Variants in EPG5 observed in about 807,000 individuals in gnomAD.
EPG5 encodes the protein ectopic P granules protein 5 homolog.
Under a neutral mutation model 302.7 loss-of-function variants are expected in EPG5, and 159 were observed. The observed-to-expected ratio is 0.53, with a 90% CI of 0.46 to 0.60. The LOEUF (loss-of-function observed/expected upper bound fraction) is 0.60, where lower values mean the gene tolerates loss of function less well. Ranked by LOEUF, EPG5 falls within the 20% of genes least tolerant of loss-of-function variation. The pLI is 0.00. For missense variants in EPG5, 2,896 were observed against 3,092.4 expected (o/e 0.94, Z 1.51); for synonymous variants, 1,158 against 1,136.8 (o/e 1.02, Z -0.37).
chr18:45,911,293 T>G (rs2049893261), intron 22 of EPG5, among the ~76,000 whole-genome samples: 1 of 150,222 alleles, frequency 6.7e-6, no homozygotes, highest in Non-Finnish European at 1.5e-5. Flanking sequence ...TGGGTTGTTT[T>G]TTTTTTTTTT....
At chr18:45,916,264 A>G (rs890862799) in intron 18 of EPG5, 58 bp from the exon 19 acceptor site, 1 of 1,551,656 alleles carries the variant, frequency 6.4e-7, no homozygotes, top group East Asian at 2.3e-5. Flanking sequence ...CATTTTTTAA[A>G]TAGCAACAAA....
intron 11 of EPG5, among the ~76,000 whole-genome samples, chr18:45,933,070 T>A (rs1352806642): frequency 2.0e-5 from 3 of 152,108 alleles, no homozygotes; most frequent in Non-Finnish European, 4.4e-5. Context: ...CTGCTGACCA[T>A]CCCAGGCACT....
the EPG5 span, among the ~76,000 whole-genome samples, chr18:45,827,350 C>CA: frequency 6.6e-6 from 1 of 152,196 alleles, no homozygotes; most frequent in Middle Eastern, 3.2e-3. Flanking sequence ...TGGGCCCCCC[C>CA]ACTACCCCAC....
At chr18:45,818,084 T>C in the EPG5 span, among the ~76,000 whole-genome samples, 1 of 152,196 alleles carries the variant, frequency 6.6e-6, no homozygotes, top group Admixed American at 6.5e-5. Flanking sequence ...CCATTCAATA[T>C]TATCTTGAGA....
intron 34 of EPG5, among the ~76,000 whole-genome samples, chr18:45,876,636 T>C (rs1437754510): frequency 6.6e-6 from 1 of 152,090 alleles, no homozygotes; most frequent in Non-Finnish European, 1.5e-5. Flanking sequence ...TTTAGACCCT[T>C]GGACATCTTG....
At chr18:45,820,812 C>T in the EPG5 span, among the ~76,000 whole-genome samples, 1 of 152,154 alleles carries the variant, frequency 6.6e-6, no homozygotes, top group African/African-American at 2.4e-5. Flanking sequence ...GGTTATATAC[C>T]ACATGATGTC....
chr18:45,867,823 T>C (rs1270447460), intron 36 of EPG5, 75 bp from the exon 37 acceptor site: 2 of 1,334,212 alleles, frequency 1.5e-6, no homozygotes, highest in Non-Finnish European at 2.1e-6. Context: ...GTAAATTGTT[T>C]CATAATTATG....
intron 9 of EPG5, 98 bp downstream of exon 9, chr18:45,943,063 G>A (rs1025346438): frequency 9.2e-6 from 11 of 1,197,004 alleles, no homozygotes; most frequent in Non-Finnish European, 1.2e-5. Flanking sequence ...AATAAGACCT[G>A]AGGTTTACAA....
intron 42 of EPG5, among the ~76,000 whole-genome samples, chr18:45,856,965 C>G (rs190839323): frequency 6.6e-6 from 1 of 152,146 alleles, no homozygotes; most frequent in East Asian, 1.9e-4. Context: ...GTTGGCCAGG[C>G]TGGAGTGCAA....
the EPG5 span, among the ~76,000 whole-genome samples, chr18:45,803,465 C>A: frequency 2.6e-5 from 4 of 152,122 alleles, no homozygotes; most frequent in Non-Finnish European, 5.9e-5. Flanking sequence ...CTGTTTTTAC[C>A]ACTTTTGGCC....
At chr18:45,944,298 A>C (rs1236238703) in intron 7 of EPG5, among the ~76,000 whole-genome samples, 179 bp from the exon 8 acceptor site, 1 of 152,210 alleles carries the variant, frequency 6.6e-6, no homozygotes, top group African/African-American at 2.4e-5. Flanking sequence ...ACAGTTACAC[A>C]GTAAATCCCC....
chr18:45,828,389 A>T, the EPG5 span, among the ~76,000 whole-genome samples: 74,855 of 151,860 alleles, frequency 0.49, 18,589 homozygotes, highest in East Asian at 0.55. Flanking sequence ...ATAGCCTCCC[A>T]GGTCCTCCTC....
Position 45,916,737 on chromosome 18 carries a change from A to G in EPG5, c.3240-155T>C, listed in dbSNP as rs947851020. 69 of 698,804 alleles carry G rather than the reference A, an allele frequency of 9.9e-5. No individual in the cohort carries two copies. In the Admixed American group the frequency reaches 1.7e-3, roughly 17 times the overall value. 43.3% of individuals were successfully genotyped at this position (698,804 alleles called of 1,614,324 possible). On this transcript the variant is annotated intron_variant, in intron 17 of 43. Coordinates refer to ENST00000282041, the MANE Select transcript of EPG5 (RefSeq NM_020964.3). ...GGGATTCTAGAAGAATAAAGTTTTC[A>G]CATTTAACATGGGTTAAAAGGAATT...
At chr18:45,846,671 G>A (rs971176310), downstream of EPG5, among the ~76,000 whole-genome samples, 2 of 152,040 alleles carry the variant, frequency 1.3e-5, no homozygotes, top group Non-Finnish European at 2.9e-5. Context: ...CAGACACTAA[G>A]ACAGGGTTCT....
intron 25 of EPG5, among the ~76,000 whole-genome samples, chr18:45,902,001 A>C (rs1475259962): frequency 6.6e-6 from 1 of 152,196 alleles, no homozygotes; most frequent in Non-Finnish European, 1.5e-5. Flanking sequence ...AACATGAAGA[A>C]AAATGCTGCT....
chr18:45,948,070 C>T (rs1343774058), intron 6 of EPG5, among the ~76,000 whole-genome samples: 2 of 152,168 alleles, frequency 1.3e-5, no homozygotes, highest in African/African-American at 4.8e-5. Context: ...CCACCATGCC[C>T]AGTCCAATCC....
At chr18:45,896,134 CA>C (rs1339101317) in intron 27 of EPG5, among the ~76,000 whole-genome samples, 1 of 152,236 alleles carries the variant, frequency 6.6e-6, no homozygotes, top group African/African-American at 2.4e-5. Context: ...GGGATAGCCT[CA>C]ACTAGCAACA....
rs2050736277 is a variant in EPG5 at position 45,944,100 on chromosome 18, C to T, written c.1697G>A (p.Ser566Asn). ...ATCATCTTCATTAAGGAGAATCCAA[C>T]TGGTCTCAGGGTCTTCATCCTAAGG... ...GGEEDEDPET[S>N]WILLNEDDLV... Residue 566 changes from serine (S) to asparagine (N), a missense_variant, in exon 8 of 44, where the codon AGT becomes AAT. This residue lies in a region of EPG5 where 1,390 missense variants were observed against 1,430.0 expected (regional missense o/e 0.97). Coordinates refer to ENST00000282041, the MANE Select transcript of EPG5 (RefSeq NM_020964.3). 3 of 1,613,024 alleles carry T rather than the reference C, an allele frequency of 1.9e-6. No homozygotes were observed. Among genetic ancestry groups the T allele is most frequent in the Non-Finnish European group, 2.5e-6 (3 of 1,179,042 alleles).
At chr18:45,962,069 T>A (rs1394626970) in intron 1 of EPG5, among the ~76,000 whole-genome samples, 1 of 119,630 alleles carries the variant, frequency 8.4e-6, no homozygotes, top group Non-Finnish European at 1.7e-5. Context: ...TCTTTGGGGT[T>A]TTTTCTCTTT....
Sources: allele counts gnomAD v4.1 joint callset (sites outside exome capture counted in the v4.1 genomes callset), GRCh38; gene constraint gnomAD v4.1.1; regional missense constraint gnomAD v4.1.1; transcripts MANE v1.5; gene names NCBI Gene and HGNC (gene_info 2026-07-23, HGNC 2026-07-21).